Variants in ZNF385D observed in about 807,000 individuals in gnomAD.
The protein encoded by ZNF385D is zinc finger protein 385D.
In ZNF385D, 15 loss-of-function variants were observed where a neutral mutation model predicts 35.8. The ratio of observed to expected loss-of-function variants is 0.42; its 90% CI spans 0.28 to 0.64. The LOEUF is 0.64. Among genes scored for constraint, ZNF385D ranks in the 30% least tolerant of loss-of-function variants. The pLI is 0.23. For missense variants in ZNF385D, 474 were observed against 494.6 expected (o/e 0.96, Z 0.39); for synonymous variants, 212 against 186.8 (o/e 1.13, Z -1.10).
At chr3:21,896,071 C>T (rs1423479004) in intron 3 of ZNF385D, among the ~76,000 whole-genome samples, 5 of 152,024 alleles carry the variant, frequency 3.3e-5, no homozygotes, top group East Asian at 1.9e-4. Context: ...TTCCTCTCTT[C>T]GACATTTGGA....
chr3:21,516,104 C>A (rs1333937794), intron 3 of ZNF385D, among the ~76,000 whole-genome samples: 1 of 152,196 alleles, frequency 6.6e-6, no homozygotes, highest in Admixed American at 6.5e-5. Context: ...GCATCCCCAA[C>A]TAATCAGTAG....
chr3:21,593,312 T>C (rs778580754), intron 2 of ZNF385D, among the ~76,000 whole-genome samples: 12 of 152,302 alleles, frequency 7.9e-5, no homozygotes, highest in Middle Eastern at 6.8e-3. Context: ...TTAGCAGTTA[T>C]TCTACCTCCC....
intron 3 of ZNF385D, among the ~76,000 whole-genome samples, chr3:21,964,404 C>G (rs1317434190): frequency 1.1e-5 from 1 of 91,920 alleles, no homozygotes; most frequent in Admixed American, 1.5e-4. Context: ...TACAGTTGGT[C>G]CTTTTTGTAA....
At chr3:21,796,049 G>A (rs538628977) in intron 3 of ZNF385D, among the ~76,000 whole-genome samples, 1 of 152,284 alleles carries the variant, frequency 6.6e-6, no homozygotes, top group East Asian at 1.9e-4. Context: ...AAAACTCTCA[G>A]TTTCTTCTCC....
At chr3:22,255,215 T>G (rs928353502) in intron 2 of ZNF385D, among the ~76,000 whole-genome samples, 3 of 151,690 alleles carry the variant, frequency 2.0e-5, no homozygotes, top group Non-Finnish European at 4.4e-5. Flanking sequence ...AAAAACTTTG[T>G]AATCACCAAT....
intron 2 of ZNF385D, among the ~76,000 whole-genome samples, chr3:21,615,068 GC>G (rs1321252907): frequency 6.6e-5 from 10 of 152,100 alleles, no homozygotes; most frequent in Non-Finnish European, 7.4e-5. Flanking sequence ...TTGGATATTT[GC>G]CCCCCTCCAA....
intron 3 of ZNF385D, among the ~76,000 whole-genome samples, chr3:22,087,170 C>A (rs1701090271): frequency 6.6e-6 from 1 of 152,000 alleles, no homozygotes; most frequent in Admixed American, 6.6e-5. Flanking sequence ...TTTGATGTCA[C>A]AAATTACTGA....
intron 3 of ZNF385D, among the ~76,000 whole-genome samples, chr3:21,999,158 T>A (rs569711791): frequency 9.8e-5 from 15 of 152,306 alleles, no homozygotes; most frequent in Admixed American, 5.9e-4. Flanking sequence ...GCATTTCCTC[T>A]GAGGTTCTGT....
chr3:21,459,396 T>A (rs949359105), intron 4 of ZNF385D: 1 of 152,206 alleles, frequency 6.6e-6, no homozygotes, highest in Non-Finnish European at 1.5e-5. Flanking sequence ...CTCAATAAAG[T>A]ACTTATTATG....
At chr3:21,759,001 A>AAAAC (rs2070479636) in intron 3 of ZNF385D, among the ~76,000 whole-genome samples, 2 of 133,144 alleles carry the variant, frequency 1.5e-5, no homozygotes, top group African/African-American at 3.0e-5. Context: ...AAAAAAAAAA[A>AAAAC]AAAAACAGTG....
intron 2 of ZNF385D, among the ~76,000 whole-genome samples, chr3:22,174,269 G>A (rs752999385): frequency 2.6e-5 from 4 of 152,204 alleles, no homozygotes; most frequent in Non-Finnish European, 5.9e-5. Flanking sequence ...AGGTTACATC[G>A]TTTTGTCTAT....
At chr3:21,830,494 A>G (rs915076746) in intron 3 of ZNF385D, among the ~76,000 whole-genome samples, 3 of 152,202 alleles carry the variant, frequency 2.0e-5, no homozygotes, top group East Asian at 1.9e-4. Context: ...GAAAGCCTCT[A>G]CGTATTGTTT....
intron 3 of ZNF385D, among the ~76,000 whole-genome samples, chr3:22,131,735 A>G (rs1703807256): frequency 6.6e-6 from 1 of 152,144 alleles, no homozygotes; most frequent in Admixed American, 6.6e-5. Flanking sequence ...GGAGTTTTTG[A>G]AAGTTCATGT....
At chr3:21,915,435 C>T (rs530759420) in intron 3 of ZNF385D, among the ~76,000 whole-genome samples, 1 of 152,134 alleles carries the variant, frequency 6.6e-6, no homozygotes, top group East Asian at 1.9e-4. Flanking sequence ...TACTATCATG[C>T]CTCTTTTTAA....
At chr3:22,037,174 G>A (rs1020485919) in intron 3 of ZNF385D, among the ~76,000 whole-genome samples, 8 of 151,520 alleles carry the variant, frequency 5.3e-5, no homozygotes, top group African/African-American at 1.2e-4. Context: ...ATAAACATAC[G>A]TGTGCATGTG....
At position 21,646,891 on chromosome 3, in the gene ZNF385D, T is replaced by C. The variant is rs534256774; in HGVS notation, c.165+17995A>G. The stretch of plus-strand genomic sequence containing the variant: ...CTCTCTGTCTGATGCTAAGGCTCAA[T>C]GAAATCAAGGCCAGACAGAATTGAG... On this transcript the variant is annotated intron_variant, in intron 2 of 7. Transcript: ENST00000281523. The surrounding 1 kb of genome is among the most constrained non-coding windows in gnomAD (Gnocchi z 4.3). Among the ~76,000 whole-genome samples the C allele has an allele frequency of 2.0e-5, 3 of 152,176 alleles. No homozygotes were observed. Among genetic ancestry groups the C allele is most frequent in the African/African-American group, 7.2e-5 (3 of 41,462 alleles).
Position 22,125,226 on chromosome 3 carries a change from G to A in ZNF385D, c.325+43591C>T, listed in dbSNP as rs75527893. On this transcript the variant is annotated intron_variant, in intron 3 of 5. Coordinates refer to the ZNF385D transcript ENST00000494108. ...CTTTGTTAAAAATGACTTCATTGTA[G>A]GTGTATAAATTTATTTCTTGTTTCT... is the stretch of plus-strand genomic sequence containing the variant. Among the ~76,000 whole-genome samples the A allele has an allele frequency of 5.5e-3, 840 of 152,112 alleles. 5 individuals carry two copies. The highest frequency in any genetic ancestry group is 0.018 in the African/African-American group (736 of 41,524).
chr3:22,225,688 G>C (rs1210475020), intron 2 of ZNF385D, among the ~76,000 whole-genome samples: 1 of 152,084 alleles, frequency 6.6e-6, no homozygotes, highest in African/African-American at 2.4e-5. Flanking sequence ...TTTACTAATA[G>C]TTTCTGGATT....
intron 3 of ZNF385D, among the ~76,000 whole-genome samples, chr3:22,017,147 T>C (rs969895957): frequency 2.0e-5 from 3 of 152,090 alleles, no homozygotes; most frequent in African/African-American, 7.2e-5. Context: ...TATATTTTTA[T>C]GGTTATGAGA....
Sources: gnomAD v4.1 joint callset for allele counts (sites outside exome capture counted in the v4.1 genomes callset) on GRCh38, gnomAD v4.1.1 for gene constraint, Gnocchi (gnomAD v3.1) non-coding constraint, MANE v1.5 for transcripts, NCBI Gene and HGNC (gene_info 2026-07-23, HGNC 2026-07-21) for gene names.